The following C10orf143 variants were observed in gnomAD, a reference collection of about 807,000 sequenced individuals.
C10orf143 encodes chromosome 10 open reading frame 143.
At position 130,092,429 on chromosome 10, in the gene C10orf143, A is replaced by G. The variant is rs180828131; in HGVS notation, c.70-12528T>C. Among the ~76,000 whole-genome samples the G allele has an allele frequency of 6.3e-3, 963 of 152,340 alleles. 10 individuals carry two copies. The highest frequency in any genetic ancestry group is 0.022 in the African/African-American group (909 of 41,580). ...CTCCTGAGGGAAGCATTAAATATGGAAAGGAAAAACTGGTACCAGCCACTG... is the reference window on the plus strand; with the variant it reads ...CTCCTGAGGGAAGCATTAAATATGGGAAGGAAAAACTGGTACCAGCCACTG... On this transcript the variant is annotated intron_variant, in intron 1 of 3. Transcript: ENST00000637128.
chr10:130,083,458 T>TATTC (rs1343095501), intron 1 of C10orf143, among the ~76,000 whole-genome samples: 7 of 152,226 alleles, frequency 4.6e-5, no homozygotes, highest in Non-Finnish European at 7.3e-5. Flanking sequence ...TTTGCACAGT[T>TATTC]ATTCAATAGT....
At position 130,101,508 on chromosome 10, in the gene C10orf143, G is replaced by GA. The variant is rs544861351; in HGVS notation, c.69+9195dup. Among the ~76,000 whole-genome samples, 13 of 151,752 alleles carry GA rather than the reference G, an allele frequency of 8.6e-5. No homozygotes were observed. The South Asian group carries it at 2.1e-3, about 24-fold the overall frequency. The stretch of plus-strand genomic sequence containing the variant: ...GAGCAACATTTTTATATTACTGAAA[G>GA]AAAAAAACCTATCAATTTAGAATTC... On this transcript the variant is annotated intron_variant, in intron 1 of 3. Coordinates refer to ENST00000637128, the MANE Select transcript of C10orf143 (RefSeq NM_001355042.2).
intron 1 of C10orf143, among the ~76,000 whole-genome samples, chr10:130,094,122 CTA>C (rs1861427492): frequency 6.6e-6 from 1 of 151,934 alleles, no homozygotes; most frequent in Non-Finnish European, 1.5e-5. Flanking sequence ...ACTCAAAAAT[CTA>C]GAAGAAATGG....
At chr10:130,110,096 G>C (rs1304209877) in intron 1 of C10orf143, among the ~76,000 whole-genome samples, 2 of 151,928 alleles carry the variant, frequency 1.3e-5, no homozygotes, top group African/African-American at 4.8e-5. Context: ...CCTACCCCCG[G>C]TCATCCTTCA....
At chr10:130,090,111 G>C (rs943888562) in intron 1 of C10orf143, among the ~76,000 whole-genome samples, 10 of 152,202 alleles carry the variant, frequency 6.6e-5, no homozygotes, top group African/African-American at 2.2e-4. Context: ...CATTAAGAAA[G>C]TGGAAGCTGG....
intron 1 of C10orf143, chr10:130,107,823 T>C (rs1362547257): frequency 8.0e-7 from 1 of 1,249,408 alleles, no homozygotes; most frequent in Non-Finnish European, 1.2e-6. Context: ...ACTGGGTCCC[T>C]GTCACTTCCG....
chr10:130,099,335 GAGA>G (rs1861510858), intron 1 of C10orf143, among the ~76,000 whole-genome samples: 1 of 152,056 alleles, frequency 6.6e-6, no homozygotes, highest in Admixed American at 6.6e-5. Flanking sequence ...GATAATTATT[GAGA>G]AGGAGAAGAG....
chr10:130,104,511 T>C (rs922403631), intron 1 of C10orf143: 5 of 152,218 alleles, frequency 3.3e-5, no homozygotes, highest in Non-Finnish European at 5.9e-5. Flanking sequence ...AGTAACCAAA[T>C]TCTGGAGACG....
chr10:130,110,342 G>A (rs4751162), intron 1 of C10orf143, among the ~76,000 whole-genome samples: 104,993 of 152,104 alleles, frequency 0.69, 36,815 homozygotes, highest in East Asian at 0.82. Flanking sequence ...GGAACAGTCA[G>A]GTGTAGACGG....
chr10:130,063,089 C>T (rs1362257597), downstream of C10orf143, among the ~76,000 whole-genome samples: 5 of 152,080 alleles, frequency 3.3e-5, no homozygotes, highest in South Asian at 2.1e-4. Flanking sequence ...GACTCTGAAG[C>T]GGGGGCATTT....
At chr10:130,105,374 CCT>C (rs1255409498) in intron 1 of C10orf143, among the ~76,000 whole-genome samples, 8 of 152,200 alleles carry the variant, frequency 5.3e-5, no homozygotes, top group African/African-American at 1.9e-4. Context: ...TTAATTACCC[CCT>C]CTGCGTTTCA....
chr10:130,036,747 C>T (rs947639917), intron 3 of C10orf143, among the ~76,000 whole-genome samples: 1 of 152,186 alleles, frequency 6.6e-6, no homozygotes, highest in Non-Finnish European at 1.5e-5. Flanking sequence ...ATGCAGCCCA[C>T]CTAGGTGCAC....
chr10:130,106,345 A>G (rs1440258938), intron 1 of C10orf143: 1 of 1,600,712 alleles, frequency 6.2e-7, no homozygotes, highest in South Asian at 1.1e-5. Context: ...GCCTTGTTCA[A>G]AAAGAGTATG....
At chr10:130,043,468 C>T (rs1181813447) in intron 3 of C10orf143, among the ~76,000 whole-genome samples, 2 of 152,202 alleles carry the variant, frequency 1.3e-5, no homozygotes, top group African/African-American at 4.8e-5. Flanking sequence ...AGCCCCGCCC[C>T]TCTGTACTGT....
intron 3 of C10orf143, among the ~76,000 whole-genome samples, chr10:130,046,779 C>T (rs1860679848): frequency 1.3e-5 from 2 of 152,208 alleles, no homozygotes; most frequent in African/African-American, 4.8e-5. Context: ...CACCTGCACG[C>T]GGAGGTTCAT....
intron 4 of C10orf143, among the ~76,000 whole-genome samples, chr10:130,035,266 T>C (rs1226786189): frequency 1.3e-5 from 2 of 152,216 alleles, no homozygotes; most frequent in East Asian, 3.8e-4. Context: ...TGTCATCCTA[T>C]GGCCATCCTT....
At chr10:130,099,420 C>T (rs1009843226) in intron 1 of C10orf143, among the ~76,000 whole-genome samples, 8 of 152,160 alleles carry the variant, frequency 5.3e-5, no homozygotes, top group Admixed American at 3.9e-4. Context: ...TAGGTTCTCA[C>T]GGCAAAGATC....
chr10:130,070,767 T>TC (rs1861019488), intron 3 of C10orf143, among the ~76,000 whole-genome samples: 1 of 152,104 alleles, frequency 6.6e-6, no homozygotes, highest in Non-Finnish European at 1.5e-5. Context: ...TTCTGTAATT[T>TC]CCTTTTTTCT....
intron 3 of C10orf143, among the ~76,000 whole-genome samples, chr10:130,071,492 G>T (rs1245551410): frequency 6.6e-6 from 1 of 152,036 alleles, no homozygotes; most frequent in South Asian, 2.1e-4. Flanking sequence ...TTTATTTACT[G>T]GACTGATTTG....
Sources: allele counts gnomAD v4.1 joint callset (sites outside exome capture counted in the v4.1 genomes callset), GRCh38; gene constraint gnomAD v4.1.1; transcripts MANE v1.5; gene names NCBI Gene and HGNC (gene_info 2026-07-23, HGNC 2026-07-21).